Variants in OLFM4 observed in about 807,000 individuals in gnomAD.
OLFM4 encodes olfactomedin 4.
Under a neutral mutation model 25.5 loss-of-function variants are expected in OLFM4, and 22 were observed. The ratio of observed to expected loss-of-function variants is 0.86; its 90% CI spans 0.62 to 1.23. The LOEUF is 1.23. Among genes scored for constraint, OLFM4 ranks in the 50% most tolerant of loss-of-function variants. OLFM4 has a pLI of 0.00. For synonymous variants in OLFM4, 255 were observed against 237.7 expected, an observed-to-expected ratio of 1.07 and a Z score of -0.67; for missense variants, 594 against 619.4, an observed-to-expected ratio of 0.96 and a Z score of 0.44.
At chr13:53,030,679 A>G (rs1410322842) in intron 1 of OLFM4, among the ~76,000 whole-genome samples, 1 of 152,244 alleles carries the variant, frequency 6.6e-6, no homozygotes, top group Admixed American at 6.5e-5. Context: ...AGGCTTATCA[A>G]GGTGAAGTCA....
intron 2 of OLFM4, among the ~76,000 whole-genome samples, chr13:53,039,062 C>G (rs1343299974): frequency 1.3e-5 from 2 of 151,190 alleles, no homozygotes; most frequent in Non-Finnish European, 2.9e-5. Context: ...GTAACAAACT[C>G]CAGAATATGC....
At chr13:53,048,982 T>C (rs1954730037) in intron 4 of OLFM4, among the ~76,000 whole-genome samples, 1 of 152,158 alleles carries the variant, frequency 6.6e-6, no homozygotes. Flanking sequence ...ACTCCTGGGA[T>C]GGCAGGCATT....
chr13:53,045,175 G>A (rs1313032892), intron 4 of OLFM4, among the ~76,000 whole-genome samples: 2 of 152,120 alleles, frequency 1.3e-5, no homozygotes, highest in African/African-American at 4.8e-5. Context: ...AAAATGCATT[G>A]CTTAGTATCC....
chr13:53,039,722 G>A (rs1178147744), intron 2 of OLFM4, among the ~76,000 whole-genome samples: 4 of 152,088 alleles, frequency 2.6e-5, no homozygotes, highest in Non-Finnish European at 4.4e-5. Context: ...AGAGGTGGCC[G>A]TATATATGTT....
intron 2 of OLFM4, among the ~76,000 whole-genome samples, chr13:53,039,145 T>C (rs1293540383): frequency 2.0e-5 from 3 of 152,258 alleles, no homozygotes; most frequent in African/African-American, 7.2e-5. Flanking sequence ...TCACTCATTT[T>C]TGTAGAACAA....
chr13:53,034,743 G>T (rs1284026540), intron 2 of OLFM4, among the ~76,000 whole-genome samples: 2 of 152,156 alleles, frequency 1.3e-5, no homozygotes, highest in Non-Finnish European at 2.9e-5. Context: ...CTATAGTATT[G>T]TGGTACTTAG....
At position 53,028,906 on chromosome 13, in the gene OLFM4, G is replaced by C. The variant is rs1421274799; in HGVS notation, c.70G>C (p.Asp24His). ...TGGCCAAGCTGCAGGGGATTTGGGG[G>C]ATGTGGGACCTCCAATTCCCAGCCC... is the stretch of plus-strand genomic sequence containing the variant. ...FLGQAAGDLG[D>H]VGPPIPSPGF... The change falls in exon 1 of 5, where the codon GAT becomes CAT. Residue 24 changes from aspartate to histidine, a missense_variant. Asp to His is a moderately conservative substitution (Grantham distance 81). Coordinates refer to ENST00000219022, the MANE Select transcript of OLFM4 (RefSeq NM_006418.5). 3 of 1,614,074 alleles carry C rather than the reference G, an allele frequency of 1.9e-6. No homozygotes were observed. Among genetic ancestry groups the C allele is most frequent in the Non-Finnish European group, 2.5e-6 (3 of 1,180,036 alleles).
chr13:53,049,637 T>C (rs1012785043), intron 4 of OLFM4, among the ~76,000 whole-genome samples: 8 of 152,222 alleles, frequency 5.3e-5, no homozygotes, highest in Non-Finnish European at 1.0e-4. Context: ...GAAGGAAATA[T>C]ATTAAATTCA....
chr13:53,034,388 C>A lies in OLFM4; in HGVS notation c.245C>A (p.Thr82Asn), dbSNP rs376452951. 5.0e-6 allele frequency: 8 copies of A among 1,614,016 alleles called. No individual in the cohort carries two copies. Among genetic ancestry groups the A allele is most frequent in the Non-Finnish European group, 6.8e-6 (8 of 1,179,974 alleles). ...NFTGSVDDRGTCQCSVSLPDT... is the reference protein window; with the variant it reads ...NFTGSVDDRGNCQCSVSLPDT... ...ACCGGCTCCGTGGATGACCGTGGGA[C>A]CTGCCAGTGCTCTGTTTCCCTGCCA... The change falls in exon 2 of 5, where the codon ACC becomes AAC. Residue 82 changes from threonine to asparagine, a missense_variant. Transcript: ENST00000219022.
rs866391621 is a variant in OLFM4, at chr13:53,031,860, A to G, written c.205-2488A>G. ...CAGAAGGGGAATCGCATATTCTTCCAAAGGCCAAGGGGACAAGCTCTTGTC... is the reference window on the plus strand; with the variant it reads ...CAGAAGGGGAATCGCATATTCTTCCGAAGGCCAAGGGGACAAGCTCTTGTC... On this transcript the variant is annotated intron_variant, in intron 1 of 4. Transcript: ENST00000219022. Among the ~76,000 whole-genome samples the G allele has an allele frequency of 2.6e-4, 39 of 152,340 alleles. No homozygotes were observed. In the Middle Eastern group the frequency reaches 0.01, roughly 40 times the overall value.
intron 3 of OLFM4, 75 bp from the exon 4 acceptor site, chr13:53,043,030 C>A: frequency 8.5e-7 from 1 of 1,180,996 alleles, no homozygotes; most frequent in Non-Finnish European, 1.2e-6. Flanking sequence ...CACTAAATGA[C>A]AAATTCAGCC....
rs777285423 is a variant in OLFM4 at position 53,029,071 on chromosome 13, C to T, written c.204+31C>T. 37 of 1,610,234 alleles carry T rather than the reference C, an allele frequency of 2.3e-5. No homozygotes were observed. In the Admixed American group the frequency reaches 2.3e-4, roughly 10 times the overall value. ...GAGGCCCCAGAATCTGAATGAGCTG[C>T]ATTCATTCCCTTCCATTTGCTTTTG... On this transcript the variant is annotated intron_variant, in intron 1 of 4. Transcript: ENST00000219022.
At chr13:53,044,165 G>C (rs992920454) in intron 4 of OLFM4, among the ~76,000 whole-genome samples, 1 of 152,172 alleles carries the variant, frequency 6.6e-6, no homozygotes, top group Admixed American at 6.5e-5. Context: ...GCACTCACAC[G>C]CTGGCAATGG....
In OLFM4 at chr13:53,050,808, T is replaced by C. The variant is rs762277206; in HGVS notation, c.*37T>C. 1 of 1,518,704 alleles carries C rather than the reference T, an allele frequency of 6.6e-7. No individual in the cohort carries two copies. Among genetic ancestry groups the C allele is most frequent in the Admixed American group, 2.2e-5 (1 of 45,124 alleles). 94.1% of individuals were successfully genotyped at this position (1,518,704 alleles called of 1,614,324 possible). ...GTTAGGGTGAAAGAGAAAATGTTTG[T>C]TGAAAAAATAGTCTTCTCCACTTAC... On this transcript the variant is annotated 3_prime_UTR_variant, in exon 5 of 5. Coordinates refer to ENST00000219022, the MANE Select transcript of OLFM4 (RefSeq NM_006418.5).
In OLFM4 at chr13:53,043,259, C is replaced by T. The variant is rs1566318926; in HGVS notation, c.725C>T (p.Thr242Ile). ...ACCCCTGTCGTCCACCCTCCTCCCA[C>T]TCCAGGTAAGCATGCCAGTTTTTTT... Reference protein sequence around the residue: ...QNTPVVHPPPTPGSCGHGGVV... With the variant: ...QNTPVVHPPPIPGSCGHGGVV... Residue 242 changes from threonine to isoleucine, a missense_variant, in exon 4 of 5, where the codon ACT becomes ATT. Thr to Ile is a moderately conservative substitution (Grantham distance 89). Coordinates refer to ENST00000219022, the MANE Select transcript of OLFM4 (RefSeq NM_006418.5). 1 of 1,599,392 alleles carries T rather than the reference C, an allele frequency of 6.3e-7. No homozygotes were observed.
At chr13:53,046,189 C>T (rs970907435) in intron 4 of OLFM4, among the ~76,000 whole-genome samples, 11 of 152,134 alleles carry the variant, frequency 7.2e-5, no homozygotes, top group African/African-American at 2.4e-4. Flanking sequence ...ATATTCTCCT[C>T]CTGGCTCAAA....
intron 1 of OLFM4, among the ~76,000 whole-genome samples, chr13:53,031,096 G>A (rs1593476614): frequency 6.6e-6 from 1 of 152,166 alleles, no homozygotes. Flanking sequence ...CTGGTAAAAA[G>A]ACAGATATTT....
intron 1 of OLFM4, 52 bp from the exon 2 acceptor site, chr13:53,034,296 A>T: frequency 6.3e-7 from 1 of 1,591,024 alleles, no homozygotes; most frequent in Non-Finnish European, 8.6e-7. Context: ...TCCAGTTGCC[A>T]AAAGCTCAGA....
chr13:53,050,751 G>A lies in OLFM4; in HGVS notation c.1513G>A (p.Val505Ile), dbSNP rs768578402. ...TTACCTTCTGAATTATGATCTTTCT[G>A]TCTTGCAGAAGCCCCAGTAAGCTGT... The part of the protein sequence containing the change: ...DGYLLNYDLS[V>I]LQKPQ The change falls in exon 5 of 5, where the codon GTC becomes ATC. Residue 505 changes from valine to isoleucine, a missense_variant. Val to Ile is a conservative substitution (Grantham distance 29). Transcript: ENST00000219022. 6 of 1,597,820 alleles carry A rather than the reference G, an allele frequency of 3.8e-6. No individual in the cohort carries two copies. Among genetic ancestry groups the A allele is most frequent in the African/African-American group, 1.4e-5 (1 of 74,062 alleles).
Sources: gnomAD v4.1 joint callset for allele counts (sites outside exome capture counted in the v4.1 genomes callset) on GRCh38, gnomAD v4.1.1 for gene constraint, MANE v1.5 for transcripts, NCBI Gene and HGNC (gene_info 2026-07-23, HGNC 2026-07-21) for gene names.